The following EPB41L4B variants were observed in gnomAD, a reference collection of about 807,000 sequenced individuals.
The protein encoded by EPB41L4B is erythrocyte membrane protein band 4.1 like 4B.
Under a neutral mutation model 112.5 loss-of-function variants are expected in EPB41L4B, and 30 were observed. That is an observed-to-expected ratio of 0.27 (90% CI 0.20 to 0.36). The LOEUF is 0.36. Ranked by LOEUF, EPB41L4B falls within the 10% of genes least tolerant of loss-of-function variation. EPB41L4B has a pLI of 1.00. For synonymous variants in EPB41L4B, 408 were observed against 439.7 expected (o/e 0.93, Z 0.90); for missense variants, 1,024 against 1,133.3 (o/e 0.90, Z 1.38).
chr9:109,285,403 C>T (rs965639183), intron 1 of EPB41L4B, among the ~76,000 whole-genome samples: 2 of 152,126 alleles, frequency 1.3e-5, no homozygotes, highest in Admixed American at 6.5e-5. Flanking sequence ...TGAGCTGGCT[C>T]GGAGGTGGAA....
At chr9:109,286,062 T>C (rs532333588) in intron 1 of EPB41L4B, among the ~76,000 whole-genome samples, 1 of 151,648 alleles carries the variant, frequency 6.6e-6, no homozygotes, top group Non-Finnish European at 1.5e-5. Context: ...AGTACCCACA[T>C]CTCTGTCCCT....
chr9:109,210,525 G>A (rs1019819521), intron 17 of EPB41L4B, among the ~76,000 whole-genome samples: 4 of 152,138 alleles, frequency 2.6e-5, no homozygotes, highest in Admixed American at 1.3e-4. Context: ...AAATAAGAAC[G>A]AAAAGTTAGC....
At chr9:109,253,705 T>C (rs901378454) in intron 11 of EPB41L4B, among the ~76,000 whole-genome samples, 155 bp from the exon 12 acceptor site, 9 of 152,222 alleles carry the variant, frequency 5.9e-5, no homozygotes, top group Non-Finnish European at 1.2e-4. Flanking sequence ...TAACCTTCCA[T>C]TTGGAAATAA....
At chr9:109,276,489 C>T (rs1432096562) in intron 2 of EPB41L4B, among the ~76,000 whole-genome samples, 2 of 152,208 alleles carry the variant, frequency 1.3e-5, no homozygotes, top group East Asian at 1.9e-4. Context: ...GTCCTGGGAA[C>T]TGCTGCTGCC....
At chr9:109,317,405 G>A (rs1181026928) in intron 1 of EPB41L4B, among the ~76,000 whole-genome samples, 1 of 152,148 alleles carries the variant, frequency 6.6e-6, no homozygotes, top group Non-Finnish European at 1.5e-5. Context: ...GTTTTCACCT[G>A]CGTTTCCCAA....
At position 109,207,968 on chromosome 9, in the gene EPB41L4B, T is replaced by C. The variant is rs1319741533; in HGVS notation, c.1834A>G (p.Ile612Val). The C allele has an allele frequency of 2.5e-6, 4 of 1,614,208 alleles. No homozygotes were observed. In the Admixed American group the frequency reaches 6.7e-5, roughly 27 times the overall value. ...SPVADHVKCN[I>V]LKAQLENASR... ...GCATTTTCCAACTGGGCTTTCAGAATGTTACACTTCACATGATCCGCAACA... is the reference window on the plus strand; with the variant it reads ...GCATTTTCCAACTGGGCTTTCAGAACGTTACACTTCACATGATCCGCAACA... The change falls in exon 18 of 26, where the codon ATT becomes GTT. Residue 612 changes from isoleucine (I) to valine (V), a missense_variant. Transcript: ENST00000374566.
chr9:109,265,113 C>T, intron 4 of EPB41L4B, 89 bp from the exon 5 acceptor site: 8 of 1,017,406 alleles, frequency 7.9e-6, no homozygotes, highest in Non-Finnish European at 1.2e-5. Flanking sequence ...CCACCCCACA[C>T]ACAGCATGGA....
intron 15 of EPB41L4B, among the ~76,000 whole-genome samples, chr9:109,238,315 C>T (rs1006580663): frequency 7.9e-5 from 12 of 152,164 alleles, no homozygotes; most frequent in Admixed American, 6.5e-4. Context: ...AGCTGACACA[C>T]TGAGTAATAT....
At chr9:109,267,406 G>C in intron 4 of EPB41L4B, 67 bp downstream of exon 4, 1 of 987,320 alleles carries the variant, frequency 1.0e-6, no homozygotes, top group African/African-American at 1.6e-5. Flanking sequence ...CCACAATTGA[G>C]AAGAGCCATA....
chr9:109,185,630 G>A (rs750890449), intron 22 of EPB41L4B, 25 bp from the exon 23 acceptor site: 4 of 1,566,566 alleles, frequency 2.6e-6, no homozygotes, highest in South Asian at 1.2e-5. Flanking sequence ...AGGAGAGAAG[G>A]GGAGGAGGAG....
At chr9:109,174,729 CT>C (rs1259524918) in intron 25 of EPB41L4B, 106 bp from the exon 26 acceptor site, 3 of 912,200 alleles carry the variant, frequency 3.3e-6, no homozygotes, top group African/African-American at 3.3e-5. Context: ...CAGTGTTGGA[CT>C]TTCTTTTTTA....
chr9:109,279,186 TTC>T (rs1444405523), intron 2 of EPB41L4B, among the ~76,000 whole-genome samples: 15 of 149,226 alleles, frequency 1.0e-4, no homozygotes, highest in Non-Finnish European at 1.0e-4. Context: ...TTAGAAGAGT[TTC>T]TTTCTTTTCC....
chr9:109,197,097 C>T (rs1414825150), intron 20 of EPB41L4B, among the ~76,000 whole-genome samples: 7 of 152,180 alleles, frequency 4.6e-5, no homozygotes, highest in Admixed American at 3.3e-4. Flanking sequence ...TCCTTGATCA[C>T]GTGCCAACTT....
chr9:109,309,346 T>C (rs1247543763), intron 1 of EPB41L4B, among the ~76,000 whole-genome samples: 1 of 152,192 alleles, frequency 6.6e-6, no homozygotes, highest in Non-Finnish European at 1.5e-5. Flanking sequence ...TTCAGCTCAT[T>C]CACAGTGAAA....
rs138417640 is a variant in EPB41L4B, at chr9:109,213,781, G to A, written c.1671C>T (p.Ala557=). 5.5e-5 allele frequency: 88 copies of A among 1,614,108 alleles called. No homozygotes were observed. In the African/African-American group the frequency reaches 7.9e-4, roughly 14 times the overall value. ...GTTCCAGCTTCTTTAGATGGGCAGCGGCTTCACTGAACAAGGCAGGTGTTC... is the reference window on the plus strand; with the variant it reads ...GTTCCAGCTTCTTTAGATGGGCAGCAGCTTCACTGAACAAGGCAGGTGTTC... ...SPGTPALFSE[A]AAHLKKLELE... Residue 557 remains alanine (A), a synonymous_variant, in exon 17 of 26, where the codon GCC becomes GCT. Transcript: ENST00000374566.
chr9:109,226,583 A>T (rs1473359281), intron 15 of EPB41L4B, among the ~76,000 whole-genome samples: 1 of 145,370 alleles, frequency 6.9e-6, no homozygotes, highest in Non-Finnish European at 1.5e-5. Context: ...CTTATATACA[A>T]TCAAAACCTC....
At chr9:109,175,631 T>C (rs960052006) in intron 25 of EPB41L4B, among the ~76,000 whole-genome samples, 8 of 151,224 alleles carry the variant, frequency 5.3e-5, no homozygotes, top group Non-Finnish European at 8.9e-5. Flanking sequence ...CTCTGCCTCC[T>C]GAGTAGCTGG....
Position 109,320,261 on chromosome 9 carries a change from G to T in EPB41L4B, c.186C>A (p.Gly62=), listed in dbSNP as rs1837815793. 1 of 1,210,346 alleles carries T rather than the reference G, an allele frequency of 8.3e-7. No individual in the cohort carries two copies. The allele number at this position is 1,210,346 out of a possible 1,614,324, so 75.0% of individuals were successfully genotyped here. The change falls in exon 1 of 26, where the codon GGC becomes GGA. Residue 62 remains glycine, a synonymous_variant. Coordinates refer to ENST00000374566, the MANE Select transcript of EPB41L4B (RefSeq NM_019114.5). ...AAPGGSVFPA[G]GGPLLTGGAA... ...CGCCGCCGGTGAGCAGGGGCCCGCC[G>T]CCCGCCGGGAACACGCTGCCCCCGG... is the stretch of plus-strand genomic sequence containing the variant.
intron 2 of EPB41L4B, among the ~76,000 whole-genome samples, chr9:109,277,533 G>A (rs926372292): frequency 6.6e-6 from 1 of 152,204 alleles, no homozygotes; most frequent in Admixed American, 6.5e-5. Flanking sequence ...TCAGGGAGCA[G>A]CTCGGGAGCT....
Sources: allele counts gnomAD v4.1 joint callset (sites outside exome capture counted in the v4.1 genomes callset), GRCh38; gene constraint gnomAD v4.1.1; transcripts MANE v1.5; gene names NCBI Gene and HGNC (gene_info 2026-07-23, HGNC 2026-07-21).